Variants in MYH15 observed in about 807,000 individuals in gnomAD.
MYH15 encodes the protein myosin heavy chain 15.
MYH15 carries 227 observed loss-of-function variants against 240.5 expected under a neutral mutation model. The observed-to-expected ratio is 0.94, with a 90% CI of 0.85 to 1.05. The LOEUF (loss-of-function observed/expected upper bound fraction) is 1.05. MYH15 is among the 50% of genes least tolerant of loss of function. MYH15 has a pLI of 0.00. For synonymous variants in MYH15, 785 were observed against 796.7 expected (o/e 0.99, Z 0.25); for missense variants, 2,217 against 2,247.5 (o/e 0.99, Z 0.27).
At position 108,500,183 on chromosome 3, in the gene MYH15, C is replaced by T; in HGVS notation, c.431G>A (p.Arg144Lys). The change falls in exon 4 of 41, where the codon AGG (arginine) becomes AAG (lysine). Residue 144 changes from arginine to lysine, a missense_variant. Coordinates refer to ENST00000693548, the MANE Select transcript of MYH15 (RefSeq NM_014981.3). The part of the protein sequence containing the change: ...KEVMAAYKGK[R>K]RSEAPPHIFA... ...GATGTGAGGGGGAGCCTCTGATCGC[C>T]TCTTCCCTTTGTAGGCGGCCATGAC... 6.2e-7 allele frequency: 1 copy of T among 1,614,098 alleles called. No homozygotes were observed. The highest frequency in any genetic ancestry group is 8.5e-7 in the Non-Finnish European group (1 of 1,179,972).
At chr3:108,411,535 G>A (rs1354980807) in intron 30 of MYH15, among the ~76,000 whole-genome samples, 1 of 152,058 alleles carries the variant, frequency 6.6e-6, no homozygotes. Flanking sequence ...TGTTCTTATG[G>A]GGTTTTTTAG....
chr3:108,380,834 A>G lies in MYH15; in HGVS notation c.*711T>C, dbSNP rs1224034829. 1 of 152,642 alleles carries G rather than the reference A, an allele frequency of 6.6e-6. No homozygotes were observed. Among genetic ancestry groups the G allele is most frequent in the African/African-American group, 2.4e-5 (1 of 41,456 alleles). The allele number at this position is 152,642 out of a possible 1,614,324, so 9.5% of individuals were successfully genotyped here. On this transcript the variant is annotated 3_prime_UTR_variant, in exon 41 of 41. Transcript: ENST00000693548. The stretch of plus-strand genomic sequence containing the variant: ...GCAAATTTCTTTATGACCTACTCCA[A>G]TCCAGAACCATGAGAGAGAGGAATT...
chr3:108,384,371 C>T (rs1412452508), intron 39 of MYH15, among the ~76,000 whole-genome samples: 6 of 152,140 alleles, frequency 3.9e-5, no homozygotes, highest in Non-Finnish European at 8.8e-5. Flanking sequence ...AGGGAGGCCC[C>T]AGGGTGACTA....
chr3:108,546,112 C>A, the MYH15 span, among the ~76,000 whole-genome samples: 3 of 152,222 alleles, frequency 2.0e-5, no homozygotes, highest in South Asian at 6.2e-4. Flanking sequence ...TTTTTACACA[C>A]AAAGGGGTTG....
the MYH15 span, among the ~76,000 whole-genome samples, chr3:108,540,448 T>C: frequency 4.6e-5 from 7 of 152,258 alleles, no homozygotes; most frequent in Non-Finnish European, 8.8e-5. Context: ...AAATAAACCA[T>C]GTTGTTTAAA....
At chr3:108,472,851 T>C (rs567828351) in intron 12 of MYH15, among the ~76,000 whole-genome samples, 3 of 152,314 alleles carry the variant, frequency 2.0e-5, no homozygotes, top group East Asian at 3.9e-4. Flanking sequence ...GGAGAGGAAA[T>C]GAGGTGGCTA....
In MYH15 at chr3:108,384,731, G is replaced by A; in HGVS notation, c.5587C>T (p.Leu1863Phe). Residue 1863 changes from leucine (L) to phenylalanine (F), a missense_variant, in exon 39 of 41, where the codon CTT becomes TTT. By Grantham distance (22) the Leu-to-Phe change is conservative (BLOSUM62 0). Transcript: ENST00000693548. ...TTGTAATTTTGCACTTTTAGCTGAA[G>A]TTTATCCATCTGAGTTTGCATCCTG... is the stretch of plus-strand genomic sequence containing the variant. ...LSRMQTQMDK[L>F]QLKVQNYKQQ... 1 of 1,613,854 alleles carries A rather than the reference G, an allele frequency of 6.2e-7. No individual in the cohort carries two copies. Among genetic ancestry groups the A allele is most frequent in the Non-Finnish European group, 8.5e-7 (1 of 1,179,860 alleles).
intron 12 of MYH15, among the ~76,000 whole-genome samples, chr3:108,472,418 A>T (rs2083185439): frequency 6.6e-6 from 1 of 152,210 alleles, no homozygotes; most frequent in African/African-American, 2.4e-5. Flanking sequence ...GTGGTGATTT[A>T]GTTATGAGTC....
chr3:108,472,626 C>T (rs1381261091), intron 12 of MYH15, among the ~76,000 whole-genome samples: 1 of 152,220 alleles, frequency 6.6e-6, no homozygotes, highest in Non-Finnish European at 1.5e-5. Flanking sequence ...ACATGACTAA[C>T]TTGCTCACCC....
At chr3:108,520,481 C>A (rs2083609689) in intron 1 of MYH15, among the ~76,000 whole-genome samples, 1 of 152,104 alleles carries the variant, frequency 6.6e-6, no homozygotes, top group Non-Finnish European at 1.5e-5. Flanking sequence ...CAGCTTCAGT[C>A]AACTTTGCCA....
intron 5 of MYH15, among the ~76,000 whole-genome samples, chr3:108,498,609 A>G (rs1368391430): frequency 6.6e-6 from 1 of 152,184 alleles, no homozygotes; most frequent in Non-Finnish European, 1.5e-5. Context: ...TAACTTTGCA[A>G]TGTGGGAAGA....
intron 1 of MYH15, among the ~76,000 whole-genome samples, chr3:108,518,015 A>G (rs1576280075): frequency 6.6e-6 from 1 of 152,358 alleles, no homozygotes; most frequent in East Asian, 1.9e-4. Flanking sequence ...AACAGTTTAC[A>G]ACTTAAAGGA....
intron 27 of MYH15, among the ~76,000 whole-genome samples, chr3:108,423,731 A>G (rs1441162819): frequency 6.6e-6 from 1 of 152,268 alleles, no homozygotes; most frequent in Admixed American, 6.5e-5. Flanking sequence ...TAACTAGCCC[A>G]AATTCACACA....
intron 21 of MYH15, among the ~76,000 whole-genome samples, chr3:108,448,895 CA>C (rs998727273): frequency 3.6e-4 from 55 of 151,800 alleles, no homozygotes; most frequent in African/African-American, 1.3e-3. Flanking sequence ...ACAGAATTAA[CA>C]CGCTTGTAAA....
Position 108,495,773 on chromosome 3 carries a change from T to A in MYH15, c.711+7A>T. ...ACTTTGATATTATGCTAAATCATGT[T>A]ACTTACAAAACGAGAGGAGTTGTCA... On this transcript the variant is annotated splice_region_variant and intron_variant, in intron 7 of 40. Transcript: ENST00000693548. 1 of 1,601,798 alleles carries A rather than the reference T, an allele frequency of 6.2e-7. No homozygotes were observed. Among genetic ancestry groups the A allele is most frequent in the Non-Finnish European group, 8.5e-7 (1 of 1,170,594 alleles).
chr3:108,423,982 C>T (rs1410126678), intron 27 of MYH15, among the ~76,000 whole-genome samples: 1 of 152,092 alleles, frequency 6.6e-6, no homozygotes, highest in Non-Finnish European at 1.5e-5. Context: ...ATGATGTCTC[C>T]AATAGTAAAT....
intron 9 of MYH15, among the ~76,000 whole-genome samples, chr3:108,487,450 G>A (rs896818357): frequency 1.3e-5 from 2 of 152,180 alleles, no homozygotes; most frequent in African/African-American, 4.8e-5. Flanking sequence ...GCAAACAAAG[G>A]AATAAGCTAT....
chr3:108,456,711 G>T, intron 19 of MYH15, 55 bp downstream of exon 19: 2 of 1,282,324 alleles, frequency 1.6e-6, no homozygotes, highest in Non-Finnish European at 2.3e-6. Flanking sequence ...CTCGGAAAGG[G>T]AGGAAAACAG....
intron 33 of MYH15, among the ~76,000 whole-genome samples, chr3:108,403,623 G>C (rs1240004446): frequency 6.6e-6 from 1 of 151,962 alleles, no homozygotes; most frequent in African/African-American, 2.4e-5. Context: ...AGCAGAAAGG[G>C]TCTGGGCTGG....
Sources: gnomAD v4.1 joint callset for allele counts (sites outside exome capture counted in the v4.1 genomes callset) on GRCh38, gnomAD v4.1.1 for gene constraint, MANE v1.5 for transcripts, NCBI Gene and HGNC (gene_info 2026-07-23, HGNC 2026-07-21) for gene names.